Variants in CDH8 observed in about 807,000 individuals in gnomAD.
CDH8 encodes cadherin-8.
In CDH8, 17 loss-of-function variants were observed where a neutral mutation model predicts 68.1. The observed-to-expected ratio is 0.25, with a 90% CI of 0.17 to 0.37. The LOEUF is 0.37. Ranked by LOEUF, CDH8 falls within the 10% of genes least tolerant of loss-of-function variation. The pLI is 1.00. For synonymous variants in CDH8, 372 were observed against 365.1 expected, an observed-to-expected ratio of 1.02 and a Z score of -0.21; for missense variants, 763 against 999.3, an observed-to-expected ratio of 0.76 and a Z score of 3.19.
intron 9 of CDH8, among the ~76,000 whole-genome samples, chr16:61,717,349 CTGTTCTATTTCTTG>C (rs2142874355): frequency 6.6e-6 from 1 of 151,656 alleles, no homozygotes; most frequent in South Asian, 2.1e-4. Context: ...GGAGCAGACT[CTGTTCTATTTCTTG>C]AGACTACAGA....
intron 10 of CDH8, among the ~76,000 whole-genome samples, chr16:61,662,952 C>A (rs1368812162): frequency 1.3e-5 from 2 of 151,746 alleles, no homozygotes; most frequent in East Asian, 3.9e-4. Flanking sequence ...AATAATATAC[C>A]AAGAAAAAAG....
At chr16:61,899,104 T>C (rs1374019919) in intron 3 of CDH8, among the ~76,000 whole-genome samples, 1 of 152,164 alleles carries the variant, frequency 6.6e-6, no homozygotes, top group Non-Finnish European at 1.5e-5. Flanking sequence ...CATTAGGTAT[T>C]TATCCTAACG....
chr16:61,911,201 T>C (rs1318380311), intron 2 of CDH8, among the ~76,000 whole-genome samples: 1 of 151,918 alleles, frequency 6.6e-6, no homozygotes. Context: ...GATGGATAGA[T>C]AGATGGATCA....
intron 4 of CDH8, among the ~76,000 whole-genome samples, chr16:61,846,934 T>TA (rs1342514071): frequency 2.0e-5 from 3 of 152,098 alleles, no homozygotes; most frequent in Non-Finnish European, 2.9e-5. Context: ...ATGTAGAACT[T>TA]ACAGGCGCAT....
At chr16:61,765,344 AC>A (rs1442262183) in intron 8 of CDH8, among the ~76,000 whole-genome samples, 7 of 151,754 alleles carry the variant, frequency 4.6e-5, no homozygotes, top group Admixed American at 1.3e-4. Context: ...TGTCCCCTAA[AC>A]CCCAGATGAG....
chr16:61,871,466 C>CAA, intron 3 of CDH8, among the ~76,000 whole-genome samples: 1 of 151,862 alleles, frequency 6.6e-6, no homozygotes, highest in East Asian at 1.9e-4. Flanking sequence ...GCCCAGCCTA[C>CAA]CTAAGGATCT....
intron 9 of CDH8, among the ~76,000 whole-genome samples, chr16:61,722,442 TC>T (rs1596899929): frequency 1.3e-5 from 2 of 150,978 alleles, no homozygotes; most frequent in East Asian, 3.9e-4. Context: ...TCATAAAATC[TC>T]TTCTTCACTA....
intron 8 of CDH8, among the ~76,000 whole-genome samples, chr16:61,730,465 G>T (rs535855106): frequency 6.6e-6 from 1 of 151,426 alleles, no homozygotes; most frequent in African/African-American, 2.4e-5. Context: ...TTAGTATAAT[G>T]GTCAAAGAAC....
At chr16:61,860,820 A>T (rs2143017482) in intron 3 of CDH8, among the ~76,000 whole-genome samples, 1 of 152,286 alleles carries the variant, frequency 6.6e-6, no homozygotes, top group African/African-American at 2.4e-5. Flanking sequence ...ACAGAGAAAA[A>T]AACATATCCA....
chr16:61,749,823 C>A (rs1465659148), intron 8 of CDH8, among the ~76,000 whole-genome samples: 1 of 151,984 alleles, frequency 6.6e-6, no homozygotes, highest in African/African-American at 2.4e-5. Context: ...AGCCATGATT[C>A]CAGAAAACTT....
chr16:61,994,658 G>A (rs1965780029), intron 2 of CDH8, among the ~76,000 whole-genome samples: 1 of 152,194 alleles, frequency 6.6e-6, no homozygotes, highest in African/African-American at 2.4e-5. Flanking sequence ...AGCATTGTCA[G>A]CATTGCGTGG....
chr16:61,676,522 A>G (rs1421278476), intron 10 of CDH8, among the ~76,000 whole-genome samples: 1 of 152,134 alleles, frequency 6.6e-6, no homozygotes, highest in African/African-American at 2.4e-5. Context: ...AGAAAAGCAC[A>G]TGATCATTTC....
At chr16:61,931,245 T>C (rs886593407) in intron 2 of CDH8, among the ~76,000 whole-genome samples, 2 of 152,146 alleles carry the variant, frequency 1.3e-5, no homozygotes, top group Non-Finnish European at 2.9e-5. Context: ...TCCACTGTCA[T>C]CTCGAACTCC....
rs1383470965 is a variant in CDH8, at chr16:61,728,517, A to T, written c.1415-1302T>A. On this transcript the variant is annotated intron_variant, in intron 8 of 11. Coordinates refer to ENST00000577390, the MANE Select transcript of CDH8 (RefSeq NM_001796.5). ...GTCTCACCTCATATACCCTTTTTAAATATATATCTAATGAACTTGTTTATT... is the reference window on the plus strand; with the variant it reads ...GTCTCACCTCATATACCCTTTTTAATTATATATCTAATGAACTTGTTTATT... Among the ~76,000 whole-genome samples the T allele has an allele frequency of 2.6e-5, 4 of 151,042 alleles. No homozygotes were observed. In the South Asian group the frequency reaches 8.3e-4, roughly 31 times the overall value.
At chr16:61,983,862 A>G (rs1292085861) in intron 2 of CDH8, among the ~76,000 whole-genome samples, 3 of 149,908 alleles carry the variant, frequency 2.0e-5, no homozygotes, top group Admixed American at 2.0e-4. Flanking sequence ...CAAGGAGAGA[A>G]AGCTCTGGTG....
At chr16:62,016,705 A>G (rs1901949519) in intron 2 of CDH8, among the ~76,000 whole-genome samples, 1 of 152,232 alleles carries the variant, frequency 6.6e-6, no homozygotes, top group African/African-American at 2.4e-5. Flanking sequence ...GCCTTGGTCC[A>G]CAGAGGACTG....
At chr16:61,881,028 A>G (rs1454300620) in intron 3 of CDH8, among the ~76,000 whole-genome samples, 6 of 152,128 alleles carry the variant, frequency 3.9e-5, no homozygotes, top group Admixed American at 6.5e-5. Flanking sequence ...AATGCTGCCA[A>G]CAGCCAGGAG....
rs140000814 is a variant in CDH8 at position 61,654,012 on chromosome 16, G to A, written c.1996C>T (p.Arg666Cys). The A allele has an allele frequency of 3.1e-3, 5,059 of 1,613,080 alleles. 12 individuals carry two copies. Among genetic ancestry groups the A allele is most frequent in the Non-Finnish European group, 4.0e-3 (4,749 of 1,179,132 alleles). ...DDEDVRENIIRYDDEGGGEED... is the reference protein window; with the variant it reads ...DDEDVRENIICYDDEGGGEED... ...TCCCCTCCTCCTTCATCATCGTAGC[G>A]AATGATGTTTTCTCGAACGTCTTCA... The change falls in exon 12 of 12, where the codon CGC becomes TGC. Residue 666 changes from arginine (R) to cysteine (C), a missense_variant. Transcript: ENST00000577390.
chr16:61,776,235 A>T (rs990213135), intron 8 of CDH8, among the ~76,000 whole-genome samples: 1 of 152,102 alleles, frequency 6.6e-6, no homozygotes, highest in Non-Finnish European at 1.5e-5. Flanking sequence ...CCCATAACAA[A>T]CTTCAAATAT....
Sources: allele counts gnomAD v4.1 joint callset (sites outside exome capture counted in the v4.1 genomes callset), GRCh38; gene constraint gnomAD v4.1.1; transcripts MANE v1.5; gene names NCBI Gene and HGNC (gene_info 2026-07-23, HGNC 2026-07-21).